The following NAV2 variants were observed in gnomAD, a reference collection of about 807,000 sequenced individuals.
The protein encoded by NAV2 is helicase, APC down-regulated 1.
In NAV2, 54 loss-of-function variants were observed where a neutral mutation model predicts 223.2. That is an observed-to-expected ratio of 0.24 (90% CI 0.19 to 0.30). The LOEUF is 0.30. NAV2 is among the 10% of genes least tolerant of loss of function. NAV2 has a pLI of 1.00. For synonymous variants in NAV2, 1,279 were observed against 1,239.3 expected (o/e 1.03, Z -0.67); for missense variants, 2,806 against 3,147.5 (o/e 0.89, Z 2.60).
At position 19,834,682 on chromosome 11, in the gene NAV2, CAG is replaced by C. The variant is rs575675021; in HGVS notation, c.385+2084_385+2085del. On this transcript the variant is annotated intron_variant, in intron 2 of 37. Coordinates refer to ENST00000349880, the MANE Select transcript of NAV2 (RefSeq NM_145117.5). ...ACTTTGACTGAGTTTTGCAGCTGTG[CAG>C]AGTGTTTCTACCTGAAAACTTCCCA... is the stretch of plus-strand genomic sequence containing the variant. 2.1e-4 allele frequency among the ~76,000 whole-genome samples: 32 copies of C among 152,134 alleles called. No individual in the cohort carries two copies. The East Asian group carries it at 5.8e-3, about 28-fold the overall frequency.
intron 6 of NAV2, chr11:19,931,702 G>A (rs557686139): frequency 1.3e-5 from 2 of 152,136 alleles, no homozygotes; most frequent in East Asian, 1.9e-4. Context: ...CAGTTTAACC[G>A]AAAACACTTG....
At chr11:19,944,512 TC>T (rs538275396) in intron 8 of NAV2, among the ~76,000 whole-genome samples, 2 of 150,380 alleles carry the variant, frequency 1.3e-5, no homozygotes, top group African/African-American at 4.9e-5. Context: ...CTTTCCCCTT[TC>T]CCCTTTCCTT....
At chr11:19,873,974 C>T (rs1416711962) in intron 4 of NAV2, among the ~76,000 whole-genome samples, 1 of 152,172 alleles carries the variant, frequency 6.6e-6, no homozygotes, top group East Asian at 1.9e-4. Context: ...CTCACACAAC[C>T]ATGGCTCAAA....
chr11:19,876,669 T>C (rs2062849332), intron 4 of NAV2, among the ~76,000 whole-genome samples: 1 of 152,138 alleles, frequency 6.6e-6, no homozygotes, highest in African/African-American at 2.4e-5. Context: ...ACAACAGGAC[T>C]GATGCTGTTT....
At chr11:20,057,641 C>T (rs1591898504) in intron 19 of NAV2, among the ~76,000 whole-genome samples, 2 of 152,290 alleles carry the variant, frequency 1.3e-5, no homozygotes, top group East Asian at 3.9e-4. Context: ...TCCCAACCTC[C>T]CCGGGAAGGA....
chr11:19,986,970 G>A (rs2050850495), intron 11 of NAV2, among the ~76,000 whole-genome samples: 1 of 152,172 alleles, frequency 6.6e-6, no homozygotes, highest in Admixed American at 6.5e-5. Context: ...AGGCTATCAT[G>A]GTGGTATAGG....
intron 1 of NAV2, among the ~76,000 whole-genome samples, chr11:19,810,166 A>T (rs937044390): frequency 1.3e-5 from 2 of 152,178 alleles, no homozygotes; most frequent in Non-Finnish European, 2.9e-5. Flanking sequence ...TTTGACTTAT[A>T]ATCCAATACT....
At chr11:19,581,455 G>C (rs2045714740) in intron 1 of NAV2, among the ~76,000 whole-genome samples, 2 of 151,980 alleles carry the variant, frequency 1.3e-5, no homozygotes, top group African/African-American at 4.8e-5. Context: ...GTGCCATGTT[G>C]GTGTGCTGCA....
chr11:20,081,746 G>A (rs2060106249), intron 25 of NAV2, among the ~76,000 whole-genome samples: 2 of 152,034 alleles, frequency 1.3e-5, no homozygotes, highest in Non-Finnish European at 1.5e-5. Flanking sequence ...TTTTTAGAAT[G>A]GCCTGTTTTC....
At position 19,855,144 on chromosome 11, in the gene NAV2, T is replaced by C. The variant is rs148737871; in HGVS notation, c.438+12221T>C. 1.8e-3 allele frequency among the ~76,000 whole-genome samples: 277 copies of C among 152,206 alleles called. 2 individuals carry two copies. The highest frequency in any genetic ancestry group is 6.4e-3 in the African/African-American group (264 of 41,510). ...ATATCTACCTTATCTAGTGGTGGATTAAAAAAATAAAAATTAACTGAAATA... is the reference window on the plus strand; with the variant it reads ...ATATCTACCTTATCTAGTGGTGGATCAAAAAAATAAAAATTAACTGAAATA... On this transcript the variant is annotated intron_variant, in intron 3 of 37. Coordinates refer to ENST00000349880, the MANE Select transcript of NAV2 (RefSeq NM_145117.5).
intron 1 of NAV2, among the ~76,000 whole-genome samples, chr11:19,653,180 T>A (rs994828877): frequency 1.3e-5 from 2 of 152,250 alleles, no homozygotes; most frequent in African/African-American, 4.8e-5. Flanking sequence ...AGCTTCGTTC[T>A]ATCTCTGATG....
At chr11:19,890,146 A>T (rs1204821637) in intron 5 of NAV2, among the ~76,000 whole-genome samples, 1 of 152,216 alleles carries the variant, frequency 6.6e-6, no homozygotes, top group Non-Finnish European at 1.5e-5. Context: ...ACTATTGGGT[A>T]TAACTGTAAA....
chr11:19,904,425 G>T (rs1317151232), intron 6 of NAV2, among the ~76,000 whole-genome samples: 1 of 152,042 alleles, frequency 6.6e-6, no homozygotes, highest in Non-Finnish European at 1.5e-5. Context: ...AAAAAGAGGG[G>T]TACTATGAAT....
In NAV2 at chr11:19,934,046, A is replaced by G. The variant is rs751393808; in HGVS notation, c.1802A>G (p.Gln601Arg). ...AAGCTGAGCTCAGGACTCCCCCAGCAGAAGCCCCAGCTGGACGGCAGACAC... is the reference window on the plus strand; with the variant it reads ...AAGCTGAGCTCAGGACTCCCCCAGCGGAAGCCCCAGCTGGACGGCAGACAC... ...SGKLSSGLPQ[Q>R]KPQLDGRHSS... The change falls in exon 7 of 38, where the codon CAG (glutamine) becomes CGG (arginine). Residue 601 changes from glutamine (Q) to arginine (R), a missense_variant. Transcript: ENST00000349880. The G allele has an allele frequency of 6.2e-7, 1 of 1,602,382 alleles. No individual in the cohort carries two copies. The highest frequency in any genetic ancestry group is 8.5e-7 in the Non-Finnish European group (1 of 1,174,254).
intron 1 of NAV2, among the ~76,000 whole-genome samples, chr11:19,561,513 T>C: frequency 6.8e-6 from 1 of 147,862 alleles, no homozygotes. Context: ...TAGTACAATA[T>C]ATTCAGTAAA....
intron 1 of NAV2, among the ~76,000 whole-genome samples, chr11:19,416,250 C>T (rs1042003393): frequency 6.6e-6 from 1 of 152,200 alleles, no homozygotes; most frequent in African/African-American, 2.4e-5. Context: ...AGCAAAGTCT[C>T]AGGATACAAA....
In NAV2 at chr11:20,045,268, C is replaced by T. The variant is rs1232340705; in HGVS notation, c.3500C>T (p.Ser1167Leu). The T allele has an allele frequency of 6.2e-7, 1 of 1,614,172 alleles. No individual in the cohort carries two copies. The highest frequency in any genetic ancestry group is 8.5e-7 in the Non-Finnish European group (1 of 1,180,020). Residue 1167 changes from serine (S) to leucine (L), a missense_variant, in exon 14 of 38, where the codon TCA becomes TTA. By Grantham distance (145) the Ser-to-Leu change is moderately radical. This residue lies in a region of NAV2 where 742 missense variants were observed against 777.9 expected (regional missense o/e 0.95). Coordinates refer to ENST00000349880, the MANE Select transcript of NAV2 (RefSeq NM_145117.5). Reference sequence around the variant, plus strand: ...GTCAGTCGGTCTGCTGGTCGGAAGTCAAGTATGGATGGGGCTCAGAATCAG... The same window carrying T: ...GTCAGTCGGTCTGCTGGTCGGAAGTTAAGTATGGATGGGGCTCAGAATCAG... The part of the protein sequence containing the change: ...ALVSRSAGRK[S>L]SMDGAQNQDD...
chr11:20,045,203 G>A lies in NAV2; in HGVS notation c.3435G>A (p.Arg1145=). ...CCAGCGGGGTGACTGTCACCAGCAG[G>A]TCAGCCACACTGGGCAAAATCCCAA... ...ITASGVTVTS[R]SATLGKIPKS... Residue 1145 remains arginine, a synonymous_variant, in exon 14 of 38, where the codon AGG becomes AGA. Coordinates refer to ENST00000349880, the MANE Select transcript of NAV2 (RefSeq NM_145117.5). The A allele has an allele frequency of 1.9e-6, 3 of 1,614,158 alleles. No homozygotes were observed. The highest frequency in any genetic ancestry group is 2.5e-6 in the Non-Finnish European group (3 of 1,180,016).
chr11:20,000,511 G>A (rs1018095646), intron 11 of NAV2, among the ~76,000 whole-genome samples: 1 of 152,106 alleles, frequency 6.6e-6, no homozygotes, highest in Non-Finnish European at 1.5e-5. Context: ...AGTAAAGCAG[G>A]GTGTCTAGCT....
Sources: gnomAD v4.1 joint callset for allele counts (sites outside exome capture counted in the v4.1 genomes callset) on GRCh38, gnomAD v4.1.1 for gene constraint, gnomAD v4.1.1 regional missense constraint, MANE v1.5 for transcripts, NCBI Gene and HGNC (gene_info 2026-07-23, HGNC 2026-07-21) for gene names.